Variants in VCF1 observed in about 807,000 individuals in gnomAD.
VCF1 encodes the protein protein VCF1.
At chr17:73,214,431 C>T in the VCF1 span, among the ~76,000 whole-genome samples, 1 of 151,780 alleles carries the variant, frequency 6.6e-6, no homozygotes, top group Non-Finnish European at 1.5e-5. Context: ...TAAAGCATTT[C>T]TATGGAACAG....
the VCF1 span, among the ~76,000 whole-genome samples, chr17:73,217,844 C>T: frequency 6.6e-6 from 1 of 151,912 alleles, no homozygotes; most frequent in African/African-American, 2.4e-5. Context: ...TGGAGGCGTG[C>T]GCCTGGAGTC....
the VCF1 span, among the ~76,000 whole-genome samples, chr17:73,230,482 G>A: frequency 1.3e-5 from 2 of 151,714 alleles, no homozygotes; most frequent in African/African-American, 4.8e-5. Context: ...TGCAACCTCC[G>A]CCTTCCAGGT....
chr17:73,225,899 A>ATATATATATT, the VCF1 span, among the ~76,000 whole-genome samples: 1 of 114,844 alleles, frequency 8.7e-6, no homozygotes, highest in African/African-American at 3.8e-5. Context: ...ATATATATAT[A>ATATATATATT]TTTTTTTTTT....
the VCF1 span, chr17:73,207,360 C>T: frequency 9.6e-7 from 1 of 1,040,708 alleles, no homozygotes; most frequent in Non-Finnish European, 1.5e-6. Flanking sequence ...AACTGAATGA[C>T]AAAATGCACT....
chr17:73,222,053 A>AAC, the VCF1 span, among the ~76,000 whole-genome samples: 1 of 150,364 alleles, frequency 6.7e-6, no homozygotes, highest in South Asian at 2.1e-4. Context: ...AAAAAAAAAA[A>AAC]AAAACTAGCC....
the VCF1 span, chr17:73,207,807 G>C: frequency 7.8e-7 from 1 of 1,284,456 alleles, no homozygotes; most frequent in Non-Finnish European, 1.0e-6. Flanking sequence ...TTACAGCATC[G>C]AGTTGTTTGC....
the VCF1 span, among the ~76,000 whole-genome samples, chr17:73,222,006 C>T: frequency 7.5e-6 from 1 of 134,144 alleles, no homozygotes; most frequent in South Asian, 2.3e-4. Context: ...CACTGCATTC[C>T]AGCCTGGGGA....
the VCF1 span, chr17:73,207,587 C>A: frequency 2.4e-6 from 2 of 828,434 alleles, no homozygotes; most frequent in African/African-American, 3.5e-5. Context: ...TGGAGAAAAT[C>A]TGTTTTGTTC....
chr17:73,213,564 A>G, the VCF1 span, among the ~76,000 whole-genome samples: 2 of 152,262 alleles, frequency 1.3e-5, no homozygotes. Flanking sequence ...TATATATGAC[A>G]AAATATTTAC....
At chr17:73,225,901 T>TATATATAATATATATATA in the VCF1 span, among the ~76,000 whole-genome samples, 1 of 78,362 alleles carries the variant, frequency 1.3e-5, no homozygotes, top group African/African-American at 6.3e-5. Context: ...ATATATATAT[T>TATATATAATATATATATA]TTTTTTTTTT....
the VCF1 span, chr17:73,209,725 C>G: frequency 6.5e-7 from 1 of 1,535,812 alleles, no homozygotes; most frequent in Non-Finnish European, 8.8e-7. Context: ...ATTGATGCTG[C>G]TGCTGCTGCT....
the VCF1 span, among the ~76,000 whole-genome samples, chr17:73,221,056 G>A: frequency 4.6e-5 from 7 of 150,666 alleles, no homozygotes; most frequent in East Asian, 9.7e-4. Flanking sequence ...GCGCCACCAC[G>A]CCCGGTTAAT....
chr17:73,224,985 C>G, the VCF1 span, among the ~76,000 whole-genome samples: 192 of 83,394 alleles, frequency 2.3e-3, 1 homozygote, highest in Middle Eastern at 6.2e-3. Flanking sequence ...CACAGCACAG[C>G]ACAGCACAGG....
chr17:73,216,480 C>A, the VCF1 span, among the ~76,000 whole-genome samples: 3 of 151,648 alleles, frequency 2.0e-5, no homozygotes, highest in Non-Finnish European at 4.4e-5. Flanking sequence ...AGGTGACTGG[C>A]GGGAGGGAGA....
At chr17:73,232,087 T>G in the VCF1 span, 2 of 1,604,516 alleles carry the variant, frequency 1.2e-6, no homozygotes, top group South Asian at 1.1e-5. Flanking sequence ...CCCTCTCACC[T>G]GGGACGGAGG....
At chr17:73,208,091 A>AAGAC in the VCF1 span, 4 of 1,435,738 alleles carry the variant, frequency 2.8e-6, no homozygotes, top group African/African-American at 4.3e-5. Flanking sequence ...CCCTTTTCCC[A>AAGAC]AGACAGTCCT....
the VCF1 span, among the ~76,000 whole-genome samples, chr17:73,217,926 C>A: frequency 6.6e-6 from 1 of 152,102 alleles, no homozygotes; most frequent in African/African-American, 2.4e-5. Flanking sequence ...GAGCTGAGAT[C>A]ACGCCACTGC....
At chr17:73,224,959 G>GCACA in the VCF1 span, among the ~76,000 whole-genome samples, 16 of 53,332 alleles carry the variant, frequency 3.0e-4, no homozygotes, top group South Asian at 3.4e-3. Context: ...GCACAGGACA[G>GCACA]GACAGCACAG....
the VCF1 span, among the ~76,000 whole-genome samples, chr17:73,218,982 T>C: frequency 1.3e-5 from 2 of 151,524 alleles, no homozygotes; most frequent in African/African-American, 2.4e-5. Flanking sequence ...GTCATGCCAC[T>C]GCACTATGGC....
Sources: allele counts gnomAD v4.1 joint callset (sites outside exome capture counted in the v4.1 genomes callset), GRCh38; gene constraint gnomAD v4.1.1; transcripts MANE v1.5; gene names NCBI Gene and HGNC (gene_info 2026-07-23, HGNC 2026-07-21).